The following SEMA3E variants were observed in gnomAD, a reference collection of about 807,000 sequenced individuals.
The protein encoded by SEMA3E is semaphorin 3E.
SEMA3E carries 49 observed loss-of-function variants against 93.6 expected under a neutral mutation model. The ratio of observed to expected loss-of-function variants is 0.52; its 90% CI spans 0.42 to 0.66. The LOEUF (loss-of-function observed/expected upper bound fraction) is 0.66, where lower values mean the gene tolerates loss of function less well. Among genes scored for constraint, SEMA3E ranks in the 30% least tolerant of loss-of-function variants. The pLI is 0.00. For synonymous variants in SEMA3E, 363 were observed against 330.7 expected (o/e 1.10, Z -1.06); for missense variants, 906 against 964.8 (o/e 0.94, Z 0.81).
intron 1 of SEMA3E, among the ~76,000 whole-genome samples, chr7:83,638,276 C>A (rs1330582620): frequency 6.6e-6 from 1 of 152,138 alleles, no homozygotes; most frequent in Non-Finnish European, 1.5e-5. Flanking sequence ...CACTGTTGGG[C>A]AGTTCTTTAT....
intron 4 of SEMA3E, among the ~76,000 whole-genome samples, chr7:83,424,464 A>G (rs1237047330): frequency 6.6e-6 from 1 of 152,156 alleles, no homozygotes; most frequent in Non-Finnish European, 1.5e-5. Flanking sequence ...TACTAAAACT[A>G]CATCTCCGGC....
intron 1 of SEMA3E, among the ~76,000 whole-genome samples, chr7:83,643,805 G>C (rs1794044793): frequency 6.6e-6 from 1 of 151,880 alleles, no homozygotes; most frequent in South Asian, 2.1e-4. Context: ...AATTCTCACT[G>C]TCTCTCCCTG....
At position 83,408,477 on chromosome 7, in the gene SEMA3E, C is replaced by A; in HGVS notation, c.561G>T (p.Leu187Phe). ...AGTAGTCACTGTAGAGTCCAGCAAACAATTCACTACCTACACGGGAGCATC... is the reference window on the plus strand; with the variant it reads ...AGTAGTCACTGTAGAGTCCAGCAAAAAATTCACTACCTACACGGGAGCATC... ...SFISTLIGSE[L>F]FAGLYSDYWS... Residue 187 changes from leucine to phenylalanine, a missense_variant, in exon 6 of 17, where the codon TTG (leucine) becomes TTT (phenylalanine). Physicochemically the swap from Leu to Phe is conservative, Grantham distance 22. Coordinates refer to ENST00000643230, the MANE Select transcript of SEMA3E (RefSeq NM_012431.3). The A allele has an allele frequency of 3.7e-6, 6 of 1,613,708 alleles. No homozygotes were observed. Among genetic ancestry groups the A allele is most frequent in the Non-Finnish European group, 4.2e-6 (5 of 1,179,824 alleles).
chr7:83,516,268 T>G (rs1003018328), intron 1 of SEMA3E, among the ~76,000 whole-genome samples: 2 of 152,298 alleles, frequency 1.3e-5, no homozygotes, highest in South Asian at 4.1e-4. Context: ...CTTCACAGTT[T>G]CCCTCCTTTA....
chr7:83,565,122 T>C (rs141854214), intron 1 of SEMA3E, among the ~76,000 whole-genome samples: 1 of 152,102 alleles, frequency 6.6e-6, no homozygotes, highest in African/African-American at 2.4e-5. Context: ...CCTAGACACA[T>C]ACACCGTCCC....
chr7:83,447,967 A>G (rs1418002839), intron 4 of SEMA3E, among the ~76,000 whole-genome samples: 2 of 152,226 alleles, frequency 1.3e-5, no homozygotes, highest in Admixed American at 6.5e-5. Flanking sequence ...TTTAATCCAC[A>G]CAAACACTCA....
intron 1 of SEMA3E, among the ~76,000 whole-genome samples, chr7:83,541,068 G>A (rs1791521225): frequency 6.6e-6 from 1 of 152,148 alleles, no homozygotes; most frequent in Non-Finnish European, 1.5e-5. Context: ...CACCCTTAGG[G>A]GAAGGCTTAA....
chr7:83,608,490 T>C (rs1753605125), intron 1 of SEMA3E, among the ~76,000 whole-genome samples: 1 of 152,144 alleles, frequency 6.6e-6, no homozygotes, highest in South Asian at 2.1e-4. Flanking sequence ...AGCATGCACA[T>C]TTTATATCAT....
chr7:83,375,940 T>C (rs1355400541), intron 16 of SEMA3E, among the ~76,000 whole-genome samples: 1 of 151,996 alleles, frequency 6.6e-6, no homozygotes, highest in Non-Finnish European at 1.5e-5. Flanking sequence ...TGGGCTAGCC[T>C]CCTAATTATT....
intron 1 of SEMA3E, chr7:83,641,259 G>T (rs1374422078): frequency 1.2e-5 from 4 of 323,806 alleles, no homozygotes; most frequent in Non-Finnish European, 1.8e-5. Flanking sequence ...GTTTTATTCA[G>T]ATACTCACTT....
intron 1 of SEMA3E, among the ~76,000 whole-genome samples, chr7:83,540,704 G>A (rs947343932): frequency 1.1e-4 from 17 of 152,160 alleles, no homozygotes; most frequent in African/African-American, 3.9e-4. Context: ...CCTTAATCCT[G>A]CTTAAGAACT....
At chr7:83,484,644 C>A (rs1345169117) in intron 2 of SEMA3E, among the ~76,000 whole-genome samples, 1 of 152,008 alleles carries the variant, frequency 6.6e-6, no homozygotes, top group Admixed American at 6.6e-5. Flanking sequence ...TTTTCTTGAC[C>A]ACCCTACTCT....
rs768289406 is a variant in SEMA3E at position 83,390,206 on chromosome 7, CATATATGCGCGTATATATGCGCGT to C, written c.1667+2325_1667+2348del. Among the ~76,000 whole-genome samples the C allele has an allele frequency of 3.6e-5, 3 of 82,570 alleles. 1 individual carries two copies. Among genetic ancestry groups the C allele is most frequent in the African/African-American group, 2.1e-4 (3 of 14,126 alleles). 54.2% of individuals were successfully genotyped at this position (82,570 alleles called of 152,430 possible). A position where few individuals can be genotyped will look rare whatever the true frequency, so the allele number is the denominator to read the frequency against. On this transcript the variant is annotated intron_variant, in intron 14 of 16. Transcript: ENST00000643230. The stretch of plus-strand genomic sequence containing the variant: ...ACATATATGCGCGTATACGTGTGCA[CATATATGCGCGTATATATGCGCGT>C]ATATATGCGCGTATATATGCGCGTA...
chr7:83,580,466 A>G (rs1195487045), intron 1 of SEMA3E, among the ~76,000 whole-genome samples: 1 of 151,900 alleles, frequency 6.6e-6, no homozygotes, highest in Non-Finnish European at 1.5e-5. Flanking sequence ...TTTACTGTCT[A>G]TCATGTGCAT....
intron 2 of SEMA3E, among the ~76,000 whole-genome samples, chr7:83,470,872 T>C (rs1475559207): frequency 6.6e-6 from 1 of 151,232 alleles, no homozygotes; most frequent in African/African-American, 2.4e-5. Flanking sequence ...CTTTTTTTTT[T>C]TTTTTTGGAT....
chr7:83,458,794 G>A (rs1789546330), intron 4 of SEMA3E, among the ~76,000 whole-genome samples: 1 of 150,684 alleles, frequency 6.6e-6, no homozygotes. Context: ...GAATAAAAAT[G>A]AACTGTGTGT....
At chr7:83,431,949 C>CTTTT (rs34741502) in intron 4 of SEMA3E, among the ~76,000 whole-genome samples, 6 of 139,164 alleles carry the variant, frequency 4.3e-5, no homozygotes, top group African/African-American at 7.9e-5. Context: ...TAATTGGTGA[C>CTTTT]TTTTTTTTTT....
At chr7:83,528,194 A>G (rs569114973) in intron 1 of SEMA3E, among the ~76,000 whole-genome samples, 1 of 152,274 alleles carries the variant, frequency 6.6e-6, no homozygotes, top group Non-Finnish European at 1.5e-5. Context: ...AATATACATT[A>G]TAAAAACTAA....
intron 1 of SEMA3E, among the ~76,000 whole-genome samples, chr7:83,570,553 A>AAAAAAAAAAAAAACAAAAAAAAAAAC (rs1792262188): frequency 8.5e-5 from 5 of 58,954 alleles, no homozygotes; most frequent in African/African-American, 4.7e-4. Context: ...ACTCCGTCTC[A>AAAAAAAAAAAAAACAAAAAAAAAAAC]AAAAAAAAAA....
Sources: gnomAD v4.1 joint callset for allele counts (sites outside exome capture counted in the v4.1 genomes callset) on GRCh38, gnomAD v4.1.1 for gene constraint, MANE v1.5 for transcripts, NCBI Gene and HGNC (gene_info 2026-07-23, HGNC 2026-07-21) for gene names.